Variants in TBCK observed in about 807,000 individuals in gnomAD.
TBCK encodes TBC domain-containing protein kinase-like protein.
A neutral mutation model predicts 113.4 loss-of-function variants in TBCK; 99 were observed. The ratio of observed to expected loss-of-function variants is 0.87; its 90% CI spans 0.74 to 1.03. The LOEUF (loss-of-function observed/expected upper bound fraction) is 1.03, where lower values mean the gene tolerates loss of function less well. Ranked by LOEUF, TBCK falls within the 50% of genes least tolerant of loss-of-function variation. TBCK has a pLI of 0.00. For synonymous variants in TBCK, 369 were observed against 370.8 expected (o/e 1.00, Z 0.05); for missense variants, 1,045 against 1,061.3 (o/e 0.98, Z 0.21).
chr4:106,068,608 T>C (rs960416491), intron 25 of TBCK, among the ~76,000 whole-genome samples: 2 of 152,344 alleles, frequency 1.3e-5, no homozygotes, highest in South Asian at 4.1e-4. Context: ...ACAATAAACA[T>C]ACGTGTGCAT....
At chr4:106,186,079 G>A (rs1427330518) in intron 22 of TBCK, among the ~76,000 whole-genome samples, 1 of 152,148 alleles carries the variant, frequency 6.6e-6, no homozygotes, top group Non-Finnish European at 1.5e-5. Flanking sequence ...TTTTATGACT[G>A]TGTAGTATTC....
intron 20 of TBCK, among the ~76,000 whole-genome samples, chr4:106,212,047 G>T (rs1011753063): frequency 1.3e-5 from 2 of 151,934 alleles, no homozygotes; most frequent in African/African-American, 4.8e-5. Flanking sequence ...ATTTTTTAAT[G>T]TCAAATGTAA....
intron 3 of TBCK, among the ~76,000 whole-genome samples, chr4:106,292,102 C>A (rs988909403): frequency 6.6e-6 from 1 of 152,170 alleles, no homozygotes; most frequent in Non-Finnish European, 1.5e-5. Flanking sequence ...TATGCAGACA[C>A]AGCGGCCACC....
chr4:106,289,633 G>A (rs1477472743), intron 3 of TBCK, among the ~76,000 whole-genome samples: 5 of 151,676 alleles, frequency 3.3e-5, no homozygotes, highest in Non-Finnish European at 4.4e-5. Context: ...CCCAGGCATG[G>A]TGGGCATGCC....
At chr4:106,124,735 G>A (rs1413011995) in intron 23 of TBCK, among the ~76,000 whole-genome samples, 1 of 151,896 alleles carries the variant, frequency 6.6e-6, no homozygotes, top group Non-Finnish European at 1.5e-5. Flanking sequence ...ATCATTTTCA[G>A]TAAACTATCG....
At chr4:106,105,341 A>C (rs1159540327) in intron 24 of TBCK, among the ~76,000 whole-genome samples, 1 of 152,222 alleles carries the variant, frequency 6.6e-6, no homozygotes, top group African/African-American at 2.4e-5. Flanking sequence ...CAGGAGTCAA[A>C]AAAAAATGAC....
At chr4:106,243,606 A>G (rs1248973333) in intron 11 of TBCK, among the ~76,000 whole-genome samples, 2 of 148,142 alleles carry the variant, frequency 1.4e-5, no homozygotes, top group Non-Finnish European at 3.0e-5. Context: ...ACAAAAGTTT[A>G]AAAAGTAAAG....
intron 23 of TBCK, among the ~76,000 whole-genome samples, chr4:106,121,528 T>C (rs1407168513): frequency 6.6e-6 from 1 of 151,500 alleles, no homozygotes; most frequent in African/African-American, 2.4e-5. Context: ...GCAGACCTAA[T>C]AGACATCTAC....
At chr4:106,252,995 G>A (rs966236691) in intron 5 of TBCK, among the ~76,000 whole-genome samples, 3 of 152,044 alleles carry the variant, frequency 2.0e-5, no homozygotes, top group African/African-American at 7.2e-5. Flanking sequence ...AAGGCATAAA[G>A]AAGAAAGCTT....
At chr4:106,257,169 T>C (rs1181314492) in intron 5 of TBCK, among the ~76,000 whole-genome samples, 1 of 152,082 alleles carries the variant, frequency 6.6e-6, no homozygotes, top group Non-Finnish European at 1.5e-5. Context: ...TGCCTAGAAA[T>C]AAAAGGAATA....
At chr4:106,055,353 C>T (rs990665540) in intron 25 of TBCK, among the ~76,000 whole-genome samples, 4 of 151,436 alleles carry the variant, frequency 2.6e-5, no homozygotes, top group African/African-American at 7.3e-5. Flanking sequence ...AAATTTTCCT[C>T]TCCTATTTTA....
chr4:106,168,129 A>G (rs1011099329), intron 23 of TBCK, among the ~76,000 whole-genome samples: 1 of 151,900 alleles, frequency 6.6e-6, no homozygotes, highest in Non-Finnish European at 1.5e-5. Context: ...AACAATGTAT[A>G]AAACAAATTA....
rs189810881 is a variant in TBCK, at chr4:106,068,894, G to A, written c.2572-22214C>T. The stretch of plus-strand genomic sequence containing the variant: ...TTTTGATTTGCATTTCTGATGACCA[G>A]TGATCATGAGCATTTTTTCACGTGT... On this transcript the variant is annotated intron_variant, in intron 25 of 25. Transcript: ENST00000394708. 2.1e-4 allele frequency among the ~76,000 whole-genome samples: 32 copies of A among 152,320 alleles called. No individual in the cohort carries two copies. In the East Asian group the frequency reaches 6.0e-3, roughly 28 times the overall value.
At chr4:106,114,612 G>A (rs372124051) in intron 24 of TBCK, among the ~76,000 whole-genome samples, 6 of 152,102 alleles carry the variant, frequency 3.9e-5, no homozygotes, top group Admixed American at 2.0e-4. Flanking sequence ...GGATACCTGC[G>A]TCTGACTGCA....
chr4:106,055,042 C>A, intron 25 of TBCK, among the ~76,000 whole-genome samples: 1 of 151,652 alleles, frequency 6.6e-6, no homozygotes, highest in East Asian at 1.9e-4. Context: ...TGTAACATAT[C>A]ATCTATATCC....
chr4:106,113,181 T>C (rs1560662909), intron 24 of TBCK, among the ~76,000 whole-genome samples: 1 of 152,236 alleles, frequency 6.6e-6, no homozygotes, highest in Non-Finnish European at 1.5e-5. Flanking sequence ...GTCTGGCTTA[T>C]GCCAGCTCAC....
Position 106,212,733 on chromosome 4 carries a change from A to G in TBCK, c.1860+17T>C. On this transcript the variant is annotated intron_variant, in intron 20 of 25. Transcript: ENST00000394708. ...TTTTTTTTAACCACATGTTCTATTA[A>G]TGCACCAAGTACTTACATCTGGAAT... 6.4e-7 allele frequency: 1 copy of G among 1,552,516 alleles called. No homozygotes were observed. The highest frequency in any genetic ancestry group is 8.8e-7 in the Non-Finnish European group (1 of 1,131,950).
intron 3 of TBCK, among the ~76,000 whole-genome samples, chr4:106,274,007 G>A (rs1414680933): frequency 6.6e-6 from 1 of 152,132 alleles, no homozygotes; most frequent in Non-Finnish European, 1.5e-5. Context: ...CTCAGCTATG[G>A]CTTAAAGAAG....
At chr4:106,080,590 A>C (rs1364189653) in intron 25 of TBCK, among the ~76,000 whole-genome samples, 1 of 152,194 alleles carries the variant, frequency 6.6e-6, no homozygotes, top group Non-Finnish European at 1.5e-5. Context: ...CCTTGGCAAT[A>C]CCATTCTGGG....
Sources: allele counts gnomAD v4.1 joint callset (sites outside exome capture counted in the v4.1 genomes callset), GRCh38; gene constraint gnomAD v4.1.1; transcripts MANE v1.5; gene names NCBI Gene and HGNC (gene_info 2026-07-23, HGNC 2026-07-21).